Variants in DOCK4 observed in about 807,000 individuals in gnomAD.
The protein encoded by DOCK4 is dedicator of cytokinesis protein 4.
DOCK4 carries 97 observed loss-of-function variants against 268.1 expected under a neutral mutation model. The observed-to-expected ratio is 0.36, with a 90% CI of 0.31 to 0.43. The LOEUF (loss-of-function observed/expected upper bound fraction) is 0.43. DOCK4 is among the 20% of genes least tolerant of loss of function. The pLI, the probability that DOCK4 is intolerant of heterozygous loss-of-function variation, is 1.00. For synonymous variants in DOCK4, 954 were observed against 887.2 expected, an observed-to-expected ratio of 1.08 and a Z score of -1.34; for missense variants, 2,145 against 2,455.7, an observed-to-expected ratio of 0.87 and a Z score of 2.67.
chr7:111,918,187 A>G (rs1482340936), intron 12 of DOCK4, among the ~76,000 whole-genome samples: 1 of 152,208 alleles, frequency 6.6e-6, no homozygotes, highest in Non-Finnish European at 1.5e-5. Flanking sequence ...AAACAAAGAA[A>G]AGGAGGACAG....
At position 111,984,387 on chromosome 7, in the gene DOCK4, T is replaced by C; in HGVS notation, c.468A>G (p.Gln156=). 1.2e-6 allele frequency: 2 copies of C among 1,612,052 alleles called. No individual in the cohort carries two copies. The highest frequency in any genetic ancestry group is 8.5e-7 in the Non-Finnish European group (1 of 1,179,092). Reference sequence around the variant, plus strand: ...TCCTAGGCACCAGGTCCAGTCCCAGTTGTCTAGAAAACAAATTGCAAAAGT... The same window carrying C: ...TCCTAGGCACCAGGTCCAGTCCCAGCTGTCTAGAAAACAAATTGCAAAAGT... The part of the protein sequence containing the change: ...ITARLDWGNE[Q]LGLDLVPRKE... The change falls in exon 7 of 53, where the codon CAA becomes CAG. Residue 156 remains glutamine, a synonymous_variant. Coordinates refer to ENST00000428084, the MANE Select transcript of DOCK4 (RefSeq NM_001363540.2).
Position 111,869,560 on chromosome 7 carries a change from C to T in DOCK4, c.2109+14G>A. ...CTTTGTTAGACTCTGCTGTTATCAA[C>T]AGCATGTTATCACCTTCAGCACCTC... On this transcript the variant is annotated intron_variant, in intron 21 of 52. Coordinates refer to ENST00000428084, the MANE Select transcript of DOCK4 (RefSeq NM_001363540.2). 6.2e-7 allele frequency: 1 copy of T among 1,612,522 alleles called. No individual in the cohort carries two copies. The highest frequency in any genetic ancestry group is 8.5e-7 in the Non-Finnish European group (1 of 1,178,776).
At chr7:112,198,201 G>A (rs1448292132) in intron 1 of DOCK4, among the ~76,000 whole-genome samples, 4 of 151,936 alleles carry the variant, frequency 2.6e-5, no homozygotes, top group African/African-American at 9.7e-5. Flanking sequence ...GACCTTATAA[G>A]AAGAGATGAG....
chr7:112,078,776 T>A (rs1479208337), intron 1 of DOCK4, among the ~76,000 whole-genome samples: 2 of 152,108 alleles, frequency 1.3e-5, no homozygotes, highest in African/African-American at 4.8e-5. Context: ...TCCTGCAGAG[T>A]CTGGGTCTCT....
chr7:111,877,243 T>C (rs890898796), intron 16 of DOCK4, 57 bp from the exon 17 acceptor site: 2 of 1,249,128 alleles, frequency 1.6e-6, no homozygotes, highest in Non-Finnish European at 1.0e-6. Context: ...ATAAGAATTA[T>C]TAAGCATAAT....
chr7:111,874,001 AT>A (rs1806639904), intron 17 of DOCK4, among the ~76,000 whole-genome samples: 1 of 152,124 alleles, frequency 6.6e-6, no homozygotes, highest in African/African-American at 2.4e-5. Flanking sequence ...TTTAAAACTG[AT>A]TGGTTATATT....
chr7:112,163,863 C>A (rs1178654620), intron 1 of DOCK4, among the ~76,000 whole-genome samples: 2 of 152,166 alleles, frequency 1.3e-5, no homozygotes, highest in South Asian at 4.1e-4. Flanking sequence ...AGGGGCTAAG[C>A]AAGCACACAC....
At chr7:112,033,730 C>T (rs1013555556) in intron 1 of DOCK4, among the ~76,000 whole-genome samples, 2 of 152,196 alleles carry the variant, frequency 1.3e-5, no homozygotes, top group African/African-American at 4.8e-5. Context: ...AACATTCACA[C>T]TCATTGCCCC....
At chr7:111,909,655 G>A (rs917997269) in intron 13 of DOCK4, among the ~76,000 whole-genome samples, 2 of 152,182 alleles carry the variant, frequency 1.3e-5, no homozygotes, top group African/African-American at 4.8e-5. Flanking sequence ...TCACTCCAGT[G>A]TTTTCACTTA....
intron 1 of DOCK4, among the ~76,000 whole-genome samples, chr7:112,115,741 G>T (rs1047294756): frequency 6.6e-6 from 1 of 152,150 alleles, no homozygotes; most frequent in Non-Finnish European, 1.5e-5. Context: ...GAGTGCAGTG[G>T]TGCGATCATA....
At chr7:111,977,031 G>A in intron 8 of DOCK4, 101 bp downstream of exon 8, 1 of 1,337,348 alleles carries the variant, frequency 7.5e-7, no homozygotes, top group East Asian at 2.6e-5. Flanking sequence ...GAAGCTGACG[G>A]AGTAAAAAAT....
intron 51 of DOCK4, 57 bp from the exon 52 acceptor site, chr7:111,732,344 C>G (rs1384807866): frequency 1.9e-6 from 3 of 1,563,336 alleles, no homozygotes; most frequent in Non-Finnish European, 2.6e-6. Flanking sequence ...GATTGACTAT[C>G]TGCACATGCC....
intron 13 of DOCK4, among the ~76,000 whole-genome samples, chr7:111,907,047 GAGGA>G (rs981222945): frequency 4.6e-5 from 7 of 152,146 alleles, no homozygotes; most frequent in Non-Finnish European, 4.4e-5. Flanking sequence ...CTTCAAGGAG[GAGGA>G]AGGAATGGGA....
Position 112,057,187 on chromosome 7 carries a change from G to A in DOCK4, c.38-53056C>T, listed in dbSNP as rs183061199. Among the ~76,000 whole-genome samples, 160 of 152,188 alleles carry A rather than the reference G, an allele frequency of 1.1e-3. 1 individual carries two copies. Among genetic ancestry groups the A allele is most frequent in the African/African-American group, 3.7e-3 (155 of 41,520 alleles). ...CCAGCAGCTCAGAAGGCAGAGGCAG[G>A]AGGATCACTTGAGCCCAGGAGTTCG... is the stretch of plus-strand genomic sequence containing the variant. On this transcript the variant is annotated intron_variant, in intron 1 of 52. Coordinates refer to ENST00000428084, the MANE Select transcript of DOCK4 (RefSeq NM_001363540.2).
chr7:111,766,974 G>A (rs998881942), intron 38 of DOCK4, 58 bp downstream of exon 38: 2 of 1,357,000 alleles, frequency 1.5e-6, no homozygotes, highest in African/African-American at 2.9e-5. Flanking sequence ...GAACCACACT[G>A]GAAAGCTAAT....
chr7:112,043,918 T>C (rs1273117684), intron 1 of DOCK4, among the ~76,000 whole-genome samples: 2 of 151,964 alleles, frequency 1.3e-5, no homozygotes, highest in Non-Finnish European at 2.9e-5. Flanking sequence ...TCTGAAGATT[T>C]CCCAATGAGT....
chr7:111,901,039 G>T lies in DOCK4; in HGVS notation c.1318-503C>A, dbSNP rs185344388. 4.4e-3 allele frequency among the ~76,000 whole-genome samples: 668 copies of T among 152,218 alleles called. 4 individuals carry two copies. Among genetic ancestry groups the T allele is most frequent in the African/African-American group, 0.016 (646 of 41,526 alleles). On this transcript the variant is annotated intron_variant, in intron 14 of 52. Coordinates refer to ENST00000428084, the MANE Select transcript of DOCK4 (RefSeq NM_001363540.2). ...ATTTTGGTCAGAAAGAAAATATATA[G>T]AATTAAATAATGAAATGGCTTTAAA...
At chr7:112,088,231 ATTCTTC>A (rs1809301417) in intron 1 of DOCK4, among the ~76,000 whole-genome samples, 1 of 152,146 alleles carries the variant, frequency 6.6e-6, no homozygotes, top group Non-Finnish European at 1.5e-5. Context: ...ATACATGGTC[ATTCTTC>A]TTCAAGTTTA....
chr7:112,063,916 T>C (rs1806685508), intron 1 of DOCK4, among the ~76,000 whole-genome samples: 1 of 152,230 alleles, frequency 6.6e-6, no homozygotes, highest in African/African-American at 2.4e-5. Flanking sequence ...CTTTTCTTTC[T>C]ATTTCTTTTT....
Sources: gnomAD v4.1 joint callset for allele counts (sites outside exome capture counted in the v4.1 genomes callset) on GRCh38, gnomAD v4.1.1 for gene constraint, MANE v1.5 for transcripts, NCBI Gene and HGNC (gene_info 2026-07-23, HGNC 2026-07-21) for gene names.